ATP7A: variants seen among roughly 807,000 people sequenced by gnomAD.
ATP7A encodes the protein ATPase copper transporting alpha.
ATP7A carries 7 observed loss-of-function variants against 83.5 expected under a neutral mutation model. The observed-to-expected ratio is 0.08, with a 90% CI of 0.05 to 0.16. The LOEUF is 0.16. ATP7A is among the 10% of genes least tolerant of loss of function. ATP7A has a pLI of 1.00. For missense variants in ATP7A, 940 were observed against 1,120.8 expected (o/e 0.84, Z 2.30); for synonymous variants, 354 against 395.2 (o/e 0.90, Z 1.24).
chrX:78,010,416 A>G (rs1240442805), intron 7 of ATP7A, among the ~76,000 whole-genome samples: 2 of 111,648 alleles, frequency 1.8e-5, no homozygotes, highest in African/African-American at 3.3e-5. Flanking sequence ...GTGTATTACT[A>G]TCTATGGTCA....
Position 78,046,725 on chromosome X carries a change from C to G in ATP7A, c.*155C>G. Reference sequence around the variant, plus strand: ...TGCGTTTATCTGTTGGCAAAAATATCTTTTTCAAGGCATCAGCTCTGAACC... The same window carrying G: ...TGCGTTTATCTGTTGGCAAAAATATGTTTTTCAAGGCATCAGCTCTGAACC... On this transcript the variant is annotated 3_prime_UTR_variant, in exon 23 of 23. Coordinates refer to ENST00000341514, the MANE Select transcript of ATP7A (RefSeq NM_000052.7). The G allele has an allele frequency of 9.4e-6, 7 of 744,529 alleles. No homozygotes were observed. The highest frequency in any genetic ancestry group is 1.4e-5 in the Non-Finnish European group (7 of 500,959). The allele number at this position is 744,529 out of a possible 1,213,427, so 61.4% of individuals were successfully genotyped here.
At chrX:78,035,860 A>G (rs1180527536) in intron 17 of ATP7A, among the ~76,000 whole-genome samples, 1 of 112,008 alleles carries the variant, frequency 8.9e-6, no homozygotes. Context: ...TGACTGACAT[A>G]TATTGACAGA....
At chrX:77,955,636 T>A (rs1557227261) in intron 1 of ATP7A, among the ~76,000 whole-genome samples, 1 of 111,556 alleles carries the variant, frequency 9.0e-6, no homozygotes, top group African/African-American at 3.3e-5. Flanking sequence ...CATTTATCAG[T>A]GCTTTGTGAT....
chrX:77,969,289 C>T (rs782575738), intron 1 of ATP7A: 35 of 1,209,646 alleles, frequency 2.9e-5, no homozygotes, highest in Non-Finnish European at 3.7e-5. Flanking sequence ...ATCATAGGAG[C>T]GCCTCCAGAT....
intron 17 of ATP7A, among the ~76,000 whole-genome samples, chrX:78,037,214 C>T (rs1267221368): frequency 1.8e-5 from 2 of 111,922 alleles, no homozygotes; most frequent in East Asian, 2.8e-4. Context: ...GTTTGGAATT[C>T]CAGGAAACAG....
At chrX:78,040,791 C>T (rs781849570) in intron 19 of ATP7A, 58 bp downstream of exon 19, 2 of 1,146,992 alleles carry the variant, frequency 1.7e-6, no homozygotes, top group African/African-American at 1.8e-5. Flanking sequence ...TATATCTTGC[C>T]TTCAAATGCT....
At chrX:77,928,008 C>T (rs1057171337) in intron 1 of ATP7A, among the ~76,000 whole-genome samples, 1 of 110,834 alleles carries the variant, frequency 9.0e-6, no homozygotes, top group African/African-American at 3.3e-5. Flanking sequence ...CGGGGTCTCA[C>T]TCTGTCACCC....
intron 1 of ATP7A, among the ~76,000 whole-genome samples, chrX:77,958,809 G>A (rs1383236940): frequency 2.9e-4 from 24 of 81,886 alleles, no homozygotes; most frequent in Admixed American, 6.0e-4. Context: ...TTTTTTTGGA[G>A]ACAGAGTCTC....
intron 1 of ATP7A, among the ~76,000 whole-genome samples, chrX:77,947,100 G>A (rs1210370450): frequency 3.6e-5 from 4 of 111,952 alleles, no homozygotes; most frequent in Non-Finnish European, 7.5e-5. Flanking sequence ...ATTAAATTCT[G>A]ACACATGATA....
chrX:77,963,452 G>C (rs782277454), intron 1 of ATP7A: 24 of 112,034 alleles, frequency 2.1e-4, no homozygotes, highest in African/African-American at 6.8e-4. Context: ...CCTGTATTTA[G>C]CAGGAAGACT....
At position 78,046,529 on chromosome X, in the gene ATP7A, C is replaced by T; in HGVS notation, c.4462C>T (p.Leu1488=). The change falls in exon 23 of 23, where the codon CTG becomes TTG. Residue 1488 remains leucine (L), a synonymous_variant. Transcript: ENST00000341514. ...VTSEPDKHSL[L]VGDFREDDDT... Reference sequence around the variant, plus strand: ...CAGTGAACCTGACAAGCACTCACTCCTGGTGGGAGACTTCAGGGAAGATGA... The same window carrying T: ...CAGTGAACCTGACAAGCACTCACTCTTGGTGGGAGACTTCAGGGAAGATGA... 1 of 1,211,702 alleles carries T rather than the reference C, an allele frequency of 8.3e-7. No homozygotes were observed. The highest frequency in any genetic ancestry group is 2.3e-4 in the Middle Eastern group (1 of 4,348).
At chrX:77,987,259 A>T (rs1304363751) in intron 2 of ATP7A, among the ~76,000 whole-genome samples, 1 of 111,858 alleles carries the variant, frequency 8.9e-6, no homozygotes, top group Non-Finnish European at 1.9e-5. Context: ...CTCAATGTTT[A>T]ATTTTATATA....
At chrX:78,015,226 C>G (rs1557235010) in intron 11 of ATP7A, among the ~76,000 whole-genome samples, 1 of 111,818 alleles carries the variant, frequency 8.9e-6, no homozygotes, top group East Asian at 2.8e-4. Flanking sequence ...TCTTTCTCCT[C>G]ATTGTCCTTC....
At chrX:77,926,522 G>T (rs1484564077) in intron 1 of ATP7A, among the ~76,000 whole-genome samples, 1 of 110,069 alleles carries the variant, frequency 9.1e-6, no homozygotes, top group East Asian at 2.9e-4. Context: ...GTAGAGACAG[G>T]GTTTCGCCAC....
chrX:77,994,869 C>T (rs1217907753), intron 4 of ATP7A, among the ~76,000 whole-genome samples: 1 of 111,285 alleles, frequency 9.0e-6, no homozygotes. Context: ...TGTCTTTTAC[C>T]TCAACCTACT....
At chrX:77,931,587 C>T (rs1557224264) in intron 1 of ATP7A, among the ~76,000 whole-genome samples, 2 of 111,072 alleles carry the variant, frequency 1.8e-5, no homozygotes. Flanking sequence ...CCAGTAGGGG[C>T]GGCCGGGCAG....
At chrX:78,008,602 AGT>A (rs1401950553) in intron 6 of ATP7A, among the ~76,000 whole-genome samples, 1 of 111,413 alleles carries the variant, frequency 9.0e-6, no homozygotes, top group African/African-American at 3.3e-5. Context: ...ACTGAGTAGT[AGT>A]GACAGGAATT....
At chrX:77,946,695 A>G (rs2077381486) in intron 1 of ATP7A, among the ~76,000 whole-genome samples, 2 of 105,551 alleles carry the variant, frequency 1.9e-5, no homozygotes, top group African/African-American at 7.0e-5. Context: ...AAATAAGTGT[A>G]TTACCACTTC....
chrX:77,918,092 G>C (rs1430801000), intron 1 of ATP7A, among the ~76,000 whole-genome samples: 3 of 104,919 alleles, frequency 2.9e-5, no homozygotes, highest in Non-Finnish European at 5.9e-5. Context: ...TTTGAGACAG[G>C]GTCTGGCTTT....
Sources: allele counts gnomAD v4.1 joint callset (sites outside exome capture counted in the v4.1 genomes callset), GRCh38; gene constraint gnomAD v4.1.1; transcripts MANE v1.5; gene names NCBI Gene and HGNC (gene_info 2026-07-23, HGNC 2026-07-21).